The following AXDND1 variants were observed in gnomAD, a reference collection of about 807,000 sequenced individuals.
AXDND1 encodes the protein axonemal dynein light chain domain containing 1.
A neutral mutation model predicts 137.5 loss-of-function variants in AXDND1; 110 were observed. The observed-to-expected ratio is 0.80, with a 90% CI of 0.69 to 0.94. The LOEUF (loss-of-function observed/expected upper bound fraction) is 0.94, where lower values mean the gene tolerates loss of function less well. AXDND1 is among the 40% of genes least tolerant of loss of function. The pLI is 0.00. For synonymous variants in AXDND1, 414 were observed against 399.7 expected, an observed-to-expected ratio of 1.04 and a Z score of -0.43; for missense variants, 1,191 against 1,169.8, an observed-to-expected ratio of 1.02 and a Z score of -0.26.
intron 12 of AXDND1, among the ~76,000 whole-genome samples, chr1:179,414,717 G>A (rs945390962): frequency 8.5e-5 from 13 of 152,202 alleles, no homozygotes; most frequent in Admixed American, 2.6e-4. Flanking sequence ...GAGCCACCGC[G>A]CCCGGCCAAA....
intron 21 of AXDND1, among the ~76,000 whole-genome samples, chr1:179,516,736 G>C (rs1669573970): frequency 6.6e-6 from 1 of 152,128 alleles, no homozygotes; most frequent in South Asian, 2.1e-4. Context: ...TCTTGGTCTA[G>C]CCACCCAGCA....
At chr1:179,463,704 C>A (rs1005247548) in intron 16 of AXDND1, among the ~76,000 whole-genome samples, 8 of 152,078 alleles carry the variant, frequency 5.3e-5, no homozygotes, top group African/African-American at 9.7e-5. Flanking sequence ...GATCTGTCTA[C>A]TGTTGACAGT....
intron 25 of AXDND1, among the ~76,000 whole-genome samples, chr1:179,549,148 A>G (rs1416683154): frequency 6.6e-6 from 1 of 152,142 alleles, no homozygotes; most frequent in Non-Finnish European, 1.5e-5. Flanking sequence ...CCTAGAACAT[A>G]TCATGGTTTT....
At chr1:179,472,140 C>T (rs958762871) in intron 17 of AXDND1, among the ~76,000 whole-genome samples, 7 of 152,186 alleles carry the variant, frequency 4.6e-5, no homozygotes, top group African/African-American at 1.7e-4. Context: ...TGTGATCCAC[C>T]CACCTTGACC....
At chr1:179,452,681 C>T (rs1439904029) in intron 16 of AXDND1, 2 of 94,830 alleles carry the variant, frequency 2.1e-5, no homozygotes, top group Non-Finnish European at 3.6e-5. Flanking sequence ...GGCGACAGAG[C>T]GAGACTCCGT....
intron 6 of AXDND1, among the ~76,000 whole-genome samples, chr1:179,381,943 A>AT (rs71111920): frequency 0.39 from 40,648 of 105,460 alleles, 7,000 homozygotes; most frequent in East Asian, 0.44. Context: ...ACCACACCTA[A>AT]TTTTTTTTTT....
intron 21 of AXDND1, 109 bp downstream of exon 21, chr1:179,509,512 C>A: frequency 1.4e-6 from 1 of 698,940 alleles, no homozygotes; most frequent in Non-Finnish European, 2.3e-6. Context: ...TTCATTTACC[C>A]TAACATATGA....
At chr1:179,402,813 C>A (rs1652311826) in intron 11 of AXDND1, among the ~76,000 whole-genome samples, 1 of 152,178 alleles carries the variant, frequency 6.6e-6, no homozygotes, top group Admixed American at 6.5e-5. Context: ...TCTTCTCTTG[C>A]CATTATCACT....
At chr1:179,374,918 G>A (rs1288541498) in intron 4 of AXDND1, among the ~76,000 whole-genome samples, 5 of 151,802 alleles carry the variant, frequency 3.3e-5, no homozygotes, top group African/African-American at 1.2e-4. Context: ...CATGGCACAT[G>A]TATATGTATG....
chr1:179,464,304 G>T (rs1008512422), intron 16 of AXDND1, among the ~76,000 whole-genome samples: 4 of 152,162 alleles, frequency 2.6e-5, no homozygotes, highest in Admixed American at 6.5e-5. Context: ...TTGTAAGGCA[G>T]GCCTGGTGGT....
intron 17 of AXDND1, among the ~76,000 whole-genome samples, chr1:179,474,726 G>T (rs1251003525): frequency 6.6e-6 from 1 of 152,138 alleles, no homozygotes; most frequent in Non-Finnish European, 1.5e-5. Flanking sequence ...TGACCATGAG[G>T]TAGAAAAGAA....
At chr1:179,425,608 A>G (rs1656427850) in intron 12 of AXDND1, among the ~76,000 whole-genome samples, 1 of 152,012 alleles carries the variant, frequency 6.6e-6, no homozygotes, top group East Asian at 1.9e-4. Context: ...CAAGGAATCA[A>G]CATGATGAGG....
In AXDND1 at chr1:179,486,163, A is replaced by T. The variant is rs565998371; in HGVS notation, c.2091+2942A>T. Among the ~76,000 whole-genome samples the T allele has an allele frequency of 2.7e-5, 4 of 147,400 alleles. No homozygotes were observed. The East Asian group carries it at 8.2e-4, about 30-fold the overall frequency. On this transcript the variant is annotated intron_variant, in intron 18 of 25. Coordinates refer to ENST00000367618, the MANE Select transcript of AXDND1 (RefSeq NM_144696.6). Reference sequence around the variant, plus strand: ...AAAACCTGATAGAAATGAAAAACACACTACAAGAATTTCATAATGCAATTG... The same window carrying T: ...AAAACCTGATAGAAATGAAAAACACTCTACAAGAATTTCATAATGCAATTG...
At chr1:179,420,923 A>G (rs1655583902) in intron 12 of AXDND1, among the ~76,000 whole-genome samples, 1 of 152,090 alleles carries the variant, frequency 6.6e-6, no homozygotes, top group Non-Finnish European at 1.5e-5. Context: ...GTCCAGCCCT[A>G]GGTTTTCCAA....
Position 179,429,558 on chromosome 1 carries a change from A to T in AXDND1, c.1271A>T (p.Tyr424Phe), listed in dbSNP as rs765267298. 3.2e-6 allele frequency: 5 copies of T among 1,578,424 alleles called. No homozygotes were observed. Among genetic ancestry groups the T allele is most frequent in the African/African-American group, 1.4e-5 (1 of 72,868 alleles). ...RNRVILARRL[Y>F]LNEKGWNKYT... The stretch of plus-strand genomic sequence containing the variant: ...AGAGTCATATTGGCTAGAAGACTTT[A>T]CCTTAATGAAAAAGGCTGGAATAAA... Residue 424 changes from tyrosine (Y) to phenylalanine (F), a missense_variant, in exon 13 of 26, where the codon TAC (tyrosine) becomes TTC (phenylalanine). Coordinates refer to ENST00000367618, the MANE Select transcript of AXDND1 (RefSeq NM_144696.6).
chr1:179,400,253 G>A (rs1192478141), intron 11 of AXDND1, among the ~76,000 whole-genome samples: 1 of 152,114 alleles, frequency 6.6e-6, no homozygotes, highest in Non-Finnish European at 1.5e-5. Context: ...GCCATAAAAA[G>A]GAATGAATTA....
At chr1:179,534,997 T>G in intron 25 of AXDND1, 35 bp downstream of exon 25, 1 of 1,605,642 alleles carries the variant, frequency 6.2e-7, no homozygotes, top group Non-Finnish European at 8.5e-7. Context: ...TTATTCAGGT[T>G]GTATTTATGA....
chr1:179,452,066 T>C (rs1157004127), intron 16 of AXDND1: 1 of 152,566 alleles, frequency 6.6e-6, no homozygotes, highest in Non-Finnish European at 1.5e-5. Flanking sequence ...CCTAGAGACT[T>C]GTTGAATGGC....
Position 179,534,976 on chromosome 1 carries a change from C to G in AXDND1, c.3031+14C>G. The G allele has an allele frequency of 6.2e-7, 1 of 1,606,024 alleles. No homozygotes were observed. The highest frequency in any genetic ancestry group is 2.2e-5 in the East Asian group (1 of 44,762). On this transcript the variant is annotated intron_variant, in intron 25 of 25. Transcript: ENST00000367618. ...CTCCAAAGAAAGGTAAGGATTGCTT[C>G]GTATTTTGCTTTATTCAGGTTGTAT...
Sources: gnomAD v4.1 joint callset for allele counts (sites outside exome capture counted in the v4.1 genomes callset) on GRCh38, gnomAD v4.1.1 for gene constraint, MANE v1.5 for transcripts, NCBI Gene and HGNC (gene_info 2026-07-23, HGNC 2026-07-21) for gene names.